The following CDH18 variants were observed in gnomAD, a reference collection of about 807,000 sequenced individuals.
CDH18 encodes the protein cadherin 18.
A neutral mutation model predicts 67.9 loss-of-function variants in CDH18; 31 were observed. That is an observed-to-expected ratio of 0.46 (90% CI 0.34 to 0.62). The LOEUF (loss-of-function observed/expected upper bound fraction) is 0.62. Ranked by LOEUF, CDH18 falls within the 20% of genes least tolerant of loss-of-function variation. The pLI is 0.01. For missense variants in CDH18, 890 were observed against 975.5 expected (o/e 0.91, Z 1.17); for synonymous variants, 362 against 347.2 (o/e 1.04, Z -0.48).
At position 19,721,472 on chromosome 5, in the gene CDH18, C is replaced by T; in HGVS notation, c.524-6G>A. The T allele has an allele frequency of 1.2e-6, 2 of 1,602,752 alleles. No homozygotes were observed. The highest frequency in any genetic ancestry group is 1.7e-6 in the Non-Finnish European group (2 of 1,173,858). On this transcript the variant is annotated splice_region_variant and splice_polypyrimidine_tract_variant and intron_variant, in intron 4 of 12. Transcript: ENST00000382275. ...CACCTGTAGAACAGAGGTACCTGTG[C>T]ATTCAGGAAAACAAATTTTAGTGTG...
intron 2 of CDH18, among the ~76,000 whole-genome samples, chr5:20,032,922 G>A (rs1739529699): frequency 6.6e-6 from 1 of 151,794 alleles, no homozygotes; most frequent in Non-Finnish European, 1.5e-5. Flanking sequence ...ATTAACTTTT[G>A]GGTTACTCTT....
chr5:19,577,467 A>G (rs1742504187), intron 7 of CDH18, among the ~76,000 whole-genome samples: 1 of 152,112 alleles, frequency 6.6e-6, no homozygotes, highest in Admixed American at 6.6e-5. Flanking sequence ...GTCAGTGTTT[A>G]TAACTGTTAT....
chr5:20,333,988 C>T (rs62352789), intron 1 of CDH18, among the ~76,000 whole-genome samples: 1 of 151,234 alleles, frequency 6.6e-6, no homozygotes. Flanking sequence ...AAAAGATAAA[C>T]GTTTGGGGTC....
rs563896868 is a variant in CDH18 at position 20,395,379 on chromosome 5, G to A, written c.-579-139874C>T. On this transcript the variant is annotated intron_variant, in intron 1 of 14. Transcript: ENST00000507958. ...ACCACGTGTTCCCACTTATTAAGTG[G>A]GAACTAACCTATGGGTACTCAAAGG... Among the ~76,000 whole-genome samples, 4 of 152,212 alleles carry A rather than the reference G, an allele frequency of 2.6e-5. No individual in the cohort carries two copies. The South Asian group carries it at 8.3e-4, about 32-fold the overall frequency.
chr5:20,212,382 C>T (rs548246385), intron 2 of CDH18, among the ~76,000 whole-genome samples: 1 of 152,180 alleles, frequency 6.6e-6, no homozygotes, highest in South Asian at 2.1e-4. Flanking sequence ...AGAACTTCCC[C>T]AACCCAGCAA....
chr5:19,673,983 T>C (rs1369145384), intron 5 of CDH18, among the ~76,000 whole-genome samples: 1 of 152,022 alleles, frequency 6.6e-6, no homozygotes, highest in Non-Finnish European at 1.5e-5. Context: ...ATAAGTCACC[T>C]AAACAAATCA....
intron 2 of CDH18, among the ~76,000 whole-genome samples, chr5:20,170,378 A>G (rs898424026): frequency 6.6e-6 from 1 of 152,128 alleles, no homozygotes; most frequent in South Asian, 2.1e-4. Context: ...TTGGCTGCAT[A>G]GTATTTCATG....
At chr5:20,269,794 T>A (rs1745303847) in intron 1 of CDH18, among the ~76,000 whole-genome samples, 2 of 152,090 alleles carry the variant, frequency 1.3e-5, no homozygotes, top group African/African-American at 4.8e-5. Context: ...AGGTGACAGA[T>A]ACTCTAGAAG....
chr5:20,514,906 T>C (rs1283446903), intron 1 of CDH18, among the ~76,000 whole-genome samples: 1 of 152,088 alleles, frequency 6.6e-6, no homozygotes, highest in African/African-American at 2.4e-5. Context: ...GGATACTGTT[T>C]TTCTGAACTC....
At position 19,571,866 on chromosome 5, in the gene CDH18, T is replaced by C. The variant is rs185420159; in HGVS notation, c.1000-34A>G. ...AAAAAAAATAAGATTATGACTTTTA[T>C]AAAAAAAGTCATATTATGACTTTCA... On this transcript the variant is annotated intron_variant, in intron 7 of 12. Coordinates refer to ENST00000382275, the MANE Select transcript of CDH18 (RefSeq NM_004934.5). 5.2e-5 allele frequency: 80 copies of C among 1,545,970 alleles called. No homozygotes were observed. In the African/African-American group the frequency reaches 9.1e-4, roughly 18 times the overall value.
intron 8 of CDH18, among the ~76,000 whole-genome samples, chr5:19,548,923 T>C (rs1736836509): frequency 6.6e-6 from 1 of 151,984 alleles, no homozygotes; most frequent in Non-Finnish European, 1.5e-5. Context: ...CTAATTTTTG[T>C]AGTTTTGGTA....
intron 8 of CDH18, among the ~76,000 whole-genome samples, chr5:19,565,771 A>G (rs1275814626): frequency 6.6e-6 from 1 of 152,262 alleles, no homozygotes; most frequent in Non-Finnish European, 1.5e-5. Context: ...GAAACTGAAG[A>G]GAGTACGTTG....
intron 5 of CDH18, among the ~76,000 whole-genome samples, chr5:19,704,918 G>T (rs879296679): frequency 1.3e-5 from 2 of 152,128 alleles, no homozygotes; most frequent in Admixed American, 6.6e-5. Context: ...CAAAAAATTG[G>T]CCTTTAATAG....
intron 2 of CDH18, among the ~76,000 whole-genome samples, chr5:19,965,760 G>GGGTAGAAAGAGAGAGGCA (rs1212399975): frequency 2.7e-5 from 4 of 148,726 alleles, no homozygotes; most frequent in African/African-American, 1.0e-4. Context: ...AGAGAGAGGC[G>GGGTAGAAAGAGAGAGGCA]GGTAGAAAGA....
At chr5:19,909,692 CA>C (rs112131863) in intron 2 of CDH18, among the ~76,000 whole-genome samples, 76,396 of 148,938 alleles carry the variant, frequency 0.51, 19,477 homozygotes, top group African/African-American at 0.6. Flanking sequence ...GGTCAAATGG[CA>C]AAAAAAAAAA....
At chr5:19,784,671 A>G (rs1456347698) in intron 3 of CDH18, among the ~76,000 whole-genome samples, 2 of 152,202 alleles carry the variant, frequency 1.3e-5, no homozygotes, top group East Asian at 3.9e-4. Context: ...TTCCCAATTT[A>G]TATTCCACAT....
chr5:19,839,161 T>C lies in CDH18; in HGVS notation c.-175A>G. On this transcript the variant is annotated 5_prime_UTR_variant, in exon 3 of 13. Coordinates refer to ENST00000382275, the MANE Select transcript of CDH18 (RefSeq NM_004934.5). The stretch of plus-strand genomic sequence containing the variant: ...GGGAAAGGTCAGATCATATTTACAT[T>C]CTGAACCACTTGGAAAATCAAAGCC... 1.8e-6 allele frequency: 1 copy of C among 568,202 alleles called. No individual in the cohort carries two copies. The highest frequency in any genetic ancestry group is 3.1e-6 in the Non-Finnish European group (1 of 319,106). The allele number at this position is 568,202 out of a possible 1,614,324, so 35.2% of individuals were successfully genotyped here.
intron 1 of CDH18, among the ~76,000 whole-genome samples, chr5:20,395,218 A>G (rs1193075811): frequency 6.6e-6 from 1 of 152,224 alleles, no homozygotes. Flanking sequence ...TGAGTGGATA[A>G]AGAAAATATG....
intron 2 of CDH18, among the ~76,000 whole-genome samples, chr5:19,934,242 T>G (rs1434134712): frequency 6.6e-6 from 1 of 151,468 alleles, no homozygotes; most frequent in African/African-American, 2.4e-5. Flanking sequence ...TGAATTATTT[T>G]ATGAACATTA....
Sources: allele counts gnomAD v4.1 joint callset (sites outside exome capture counted in the v4.1 genomes callset), GRCh38; gene constraint gnomAD v4.1.1; transcripts MANE v1.5; gene names NCBI Gene and HGNC (gene_info 2026-07-23, HGNC 2026-07-21).